Variants in PRDM5 observed in about 807,000 individuals in gnomAD.
The protein encoded by PRDM5 is PR domain zinc finger protein 5.
PRDM5 carries 56 observed loss-of-function variants against 81.2 expected under a neutral mutation model. That is an observed-to-expected ratio of 0.69 (90% CI 0.56 to 0.86). The LOEUF (loss-of-function observed/expected upper bound fraction) is 0.86. PRDM5 is among the 40% of genes least tolerant of loss of function. The probability of loss-of-function intolerance (pLI) is 0.00; values close to 1 mark genes in which losing one functional copy is unlikely to be tolerated. For synonymous variants in PRDM5, 267 were observed against 256.4 expected (o/e 1.04, Z -0.39); for missense variants, 697 against 770.1 (o/e 0.91, Z 1.12).
intron 3 of PRDM5, among the ~76,000 whole-genome samples, chr4:120,841,721 C>T (rs1267967186): frequency 2.0e-5 from 3 of 152,174 alleles, no homozygotes; most frequent in Non-Finnish European, 4.4e-5. Flanking sequence ...ACACCACACA[C>T]CCACGCACTC....
chr4:120,732,876 C>T (rs1258613276), intron 14 of PRDM5, among the ~76,000 whole-genome samples: 1 of 152,116 alleles, frequency 6.6e-6, no homozygotes, highest in Admixed American at 6.5e-5. Context: ...ATCAACTGAC[C>T]TCTTATATGC....
At chr4:120,700,030 AC>A (rs1221351506) in intron 15 of PRDM5, among the ~76,000 whole-genome samples, 17 of 152,134 alleles carry the variant, frequency 1.1e-4, no homozygotes, top group Admixed American at 1.1e-3. Context: ...GCATCACATT[AC>A]CCAATTTCAA....
intron 3 of PRDM5, among the ~76,000 whole-genome samples, chr4:120,847,362 A>G (rs1283563788): frequency 2.0e-5 from 3 of 151,712 alleles, no homozygotes; most frequent in Non-Finnish European, 4.4e-5. Flanking sequence ...ACTCTTTCTC[A>G]TCACCCTCTC....
At chr4:120,862,536 C>T (rs550572483) in intron 2 of PRDM5, among the ~76,000 whole-genome samples, 8 of 152,292 alleles carry the variant, frequency 5.3e-5, no homozygotes, top group East Asian at 1.9e-4. Context: ...TAGAGAGGTA[C>T]GTCTCTAGAA....
At chr4:120,831,309 T>A (rs1039393060) in intron 3 of PRDM5, among the ~76,000 whole-genome samples, 1 of 152,054 alleles carries the variant, frequency 6.6e-6, no homozygotes, top group African/African-American at 2.4e-5. Flanking sequence ...CAAAATCTAC[T>A]GAATGATGCC....
In PRDM5 at chr4:120,821,195, T is replaced by G. The variant is rs778449981; in HGVS notation, c.451A>C (p.Arg151=). Residue 151 remains arginine, a synonymous_variant, in exon 4 of 16, where the codon AGA becomes CGA. Coordinates refer to ENST00000264808, the MANE Select transcript of PRDM5 (RefSeq NM_018699.4). ...IKEGEVENSR[R]QSTAGRKDRL... ...CCTTTTCTGCCCGCTGTTGATTGTC[T>G]TCTAGAATTTTCAACTTCCCCTTCT... 1.9e-6 allele frequency: 3 copies of G among 1,614,166 alleles called. No homozygotes were observed. Among genetic ancestry groups the G allele is most frequent in the East Asian group, 2.2e-5 (1 of 44,876 alleles).
At chr4:120,731,031 T>G (rs1013178941) in intron 14 of PRDM5, among the ~76,000 whole-genome samples, 1 of 152,230 alleles carries the variant, frequency 6.6e-6, no homozygotes, top group African/African-American at 2.4e-5. Flanking sequence ...TTGCAGCAGC[T>G]GTGAGAAATA....
At chr4:120,793,855 C>T (rs1750949619) in intron 10 of PRDM5, among the ~76,000 whole-genome samples, 1 of 149,800 alleles carries the variant, frequency 6.7e-6, no homozygotes, top group South Asian at 2.2e-4. Flanking sequence ...AATCATTTCA[C>T]AATGTGTGTG....
intron 3 of PRDM5, 26 bp downstream of exon 3, chr4:120,853,392 T>C (rs1243445643): frequency 6.2e-7 from 1 of 1,613,526 alleles, no homozygotes; most frequent in South Asian, 1.1e-5. Flanking sequence ...CAGTGCATAG[T>C]ACAAATGAGA....
At chr4:120,689,193 A>G (rs1733945026), downstream of PRDM5, among the ~76,000 whole-genome samples, 3 of 152,162 alleles carry the variant, frequency 2.0e-5, no homozygotes, top group Non-Finnish European at 2.9e-5. Flanking sequence ...TGTAGACCCC[A>G]ATTTCATATT....
intron 14 of PRDM5, among the ~76,000 whole-genome samples, chr4:120,722,441 G>C (rs1314135714): frequency 6.6e-6 from 1 of 151,854 alleles, no homozygotes; most frequent in Non-Finnish European, 1.5e-5. Flanking sequence ...GTTGCCTTCT[G>C]CTTGGTTAAG....
chr4:120,793,102 G>A (rs1750820155), intron 10 of PRDM5, among the ~76,000 whole-genome samples: 1 of 152,174 alleles, frequency 6.6e-6, no homozygotes, highest in African/African-American at 2.4e-5. Context: ...AGCAGGAGGT[G>A]AGTGGCGGGC....
chr4:120,769,903 C>T (rs1294379448), intron 13 of PRDM5, among the ~76,000 whole-genome samples: 1 of 152,178 alleles, frequency 6.6e-6, no homozygotes, highest in Non-Finnish European at 1.5e-5. Flanking sequence ...TGGAGATGTG[C>T]ACAAGACTTA....
chr4:120,724,523 A>C (rs1739109626), intron 14 of PRDM5, among the ~76,000 whole-genome samples: 1 of 152,216 alleles, frequency 6.6e-6, no homozygotes, highest in African/African-American at 2.4e-5. Context: ...TTTAAGAAGC[A>C]GATCCAGCCA....
chr4:120,741,181 A>C (rs1741880010), intron 14 of PRDM5, among the ~76,000 whole-genome samples: 1 of 151,958 alleles, frequency 6.6e-6, no homozygotes, highest in Non-Finnish European at 1.5e-5. Flanking sequence ...TCACCCTTAA[A>C]AGACTCCTTT....
At chr4:120,690,787 T>A (rs976561982), downstream of PRDM5, among the ~76,000 whole-genome samples, 1 of 152,142 alleles carries the variant, frequency 6.6e-6, no homozygotes, top group Non-Finnish European at 1.5e-5. Context: ...GTTTCCCTTG[T>A]CAGGAGCAGT....
intron 8 of PRDM5, among the ~76,000 whole-genome samples, 186 bp downstream of exon 8, chr4:120,811,184 A>AC (rs5861493): frequency 3.4e-4 from 52 of 151,782 alleles, no homozygotes; most frequent in Non-Finnish European, 1.6e-4. Flanking sequence ...TTAAAACTCC[A>AC]TTAATTCTAT....
At chr4:120,824,696 G>C (rs1231805848) in intron 3 of PRDM5, among the ~76,000 whole-genome samples, 1 of 151,004 alleles carries the variant, frequency 6.6e-6, no homozygotes, top group Non-Finnish European at 1.5e-5. Context: ...TACTTCTACT[G>C]CACAGTGTTT....
chr4:120,917,650 C>T (rs1471355300), intron 1 of PRDM5, among the ~76,000 whole-genome samples: 2 of 144,402 alleles, frequency 1.4e-5, no homozygotes, highest in East Asian at 2.1e-4. Context: ...AATTATGGCA[C>T]ATCCACAGCA....
Sources: gnomAD v4.1 joint callset for allele counts (sites outside exome capture counted in the v4.1 genomes callset) on GRCh38, gnomAD v4.1.1 for gene constraint, MANE v1.5 for transcripts, NCBI Gene and HGNC (gene_info 2026-07-23, HGNC 2026-07-21) for gene names.